HEXIM2: variants seen among roughly 807,000 people sequenced by gnomAD.
The protein encoded by HEXIM2 is protein HEXIM2.
For synonymous variants in HEXIM2, 159 were observed against 162.7 expected (o/e 0.98, Z 0.17); for missense variants, 413 against 390.8 (o/e 1.06, Z -0.48).
At chr17:45,160,543 C>G (rs1322605188), upstream of HEXIM2, among the ~76,000 whole-genome samples, 1 of 151,936 alleles carries the variant, frequency 6.6e-6, no homozygotes, top group Non-Finnish European at 1.5e-5. Flanking sequence ...AAAGTTAAGA[C>G]TAGGATTTCA....
chr17:45,160,418 G>T (rs1038054068), upstream of HEXIM2, among the ~76,000 whole-genome samples: 13 of 152,028 alleles, frequency 8.6e-5, no homozygotes, highest in African/African-American at 2.7e-4. Flanking sequence ...TGTGGGAAAA[G>T]AAAAATCTTT....
In HEXIM2 at chr17:45,162,853, G is replaced by A; in HGVS notation, c.60G>A (p.Glu20=). ...CAGAGTCACCAGTGGCCCTGGAGGA[G>A]GCCAAGGTAAGTCCCTGCCCTCCTG... ...CNAESPVALE[E]AKTSGAPGSP... Residue 20 remains glutamate (E), a synonymous_variant, in exon 3 of 4, where the codon GAG becomes GAA. Transcript: ENST00000589230. The A allele has an allele frequency of 6.2e-7, 1 of 1,612,090 alleles. No homozygotes were observed. The highest frequency in any genetic ancestry group is 8.5e-7 in the Non-Finnish European group (1 of 1,178,816).
intron 3 of HEXIM2, among the ~76,000 whole-genome samples, chr17:45,164,153 CA>C (rs567736267): frequency 2.4e-3 from 265 of 109,778 alleles, no homozygotes; most frequent in Middle Eastern, 0.021. Flanking sequence ...AAAACTCTCT[CA>C]AAAAAAAAAA....
upstream of HEXIM2, chr17:45,161,157 G>A (rs2042671950): frequency 5.3e-6 from 2 of 378,240 alleles, no homozygotes; most frequent in South Asian, 1.9e-5. Flanking sequence ...AGCTGGCAGA[G>A]CTCGGCCTCA....
intron 1 of HEXIM2, 132 bp from the exon 2 acceptor site, chr17:45,162,356 C>T (rs1174032638): frequency 1.8e-5 from 10 of 558,870 alleles, no homozygotes; most frequent in Non-Finnish European, 2.1e-5. Flanking sequence ...GCTCCATGTT[C>T]TCCCGTGGCA....
rs185583286 is a variant in HEXIM2 at position 45,166,097 on chromosome 17, C to T, written c.67-2918C>T. Among the ~76,000 whole-genome samples the T allele has an allele frequency of 3.6e-3, 540 of 150,172 alleles. 3 individuals are homozygous for T. The highest frequency in any genetic ancestry group is 0.012 in the Middle Eastern group (3 of 256). ...CAGGCGTGAGCCACCACGCCCGGCC[C>T]GCTGCATCTTCTTTATGCCAGAAGG... On this transcript the variant is annotated intron_variant, in intron 3 of 3. Transcript: ENST00000589230.
chr17:45,160,879 GTAGT>G (rs1567923276), upstream of HEXIM2: 8 of 1,288,358 alleles, frequency 6.2e-6, no homozygotes, highest in Non-Finnish European at 8.1e-6. Flanking sequence ...GGTTGCTACA[GTAGT>G]TTAAGAGGGT....
In HEXIM2 at chr17:45,169,319, C is replaced by T. The variant is rs1385325913; in HGVS notation, c.371C>T (p.Ala124Val). Residue 124 changes from alanine to valine, a missense_variant, in exon 4 of 4, where the codon GCC (alanine) becomes GTC (valine). Transcript: ENST00000589230. Reference sequence around the variant, plus strand: ...CGGGATGAGAGGCAGAGCCAGAGGGCCTCCCGGGTCCGCGAAGAGATGTTC... The same window carrying T: ...CGGGATGAGAGGCAGAGCCAGAGGGTCTCCCGGGTCCGCGAAGAGATGTTC... ...QQRDERQSQR[A>V]SRVREEMFAK... is the part of the protein sequence containing the mutation. 6.2e-7 allele frequency: 1 copy of T among 1,613,764 alleles called. No homozygotes were observed. Among genetic ancestry groups the T allele is most frequent in the Non-Finnish European group, 8.5e-7 (1 of 1,180,002 alleles).
rs752687454 is a variant in HEXIM2 at position 45,169,172 on chromosome 17, A to G, written c.224A>G (p.Gln75Arg). 2 of 1,613,780 alleles carry G rather than the reference A, an allele frequency of 1.2e-6. No individual in the cohort carries two copies. The highest frequency in any genetic ancestry group is 1.7e-6 in the Non-Finnish European group (2 of 1,180,036). The change falls in exon 4 of 4, where the codon CAG (glutamine) becomes CGG (arginine). Residue 75 changes from glutamine to arginine, a missense_variant. Gln to Arg is a conservative substitution (Grantham distance 43). Coordinates refer to ENST00000589230, the MANE Select transcript of HEXIM2 (RefSeq NM_001303441.2). The stretch of plus-strand genomic sequence containing the variant: ...TGGAACAGTAGGAGTCCCCGGACCC[A>G]GAGCCCAGGGGGCTGCTCAGCGGAG... The part of the protein sequence containing the change: ...LGWNSRSPRT[Q>R]SPGGCSAEAV...
intron 2 of HEXIM2, 37 bp from the exon 3 acceptor site, chr17:45,162,713 C>T (rs777924166): frequency 6.2e-6 from 10 of 1,605,810 alleles, no homozygotes; most frequent in Non-Finnish European, 8.5e-6. Context: ...TCCTGACGTT[C>T]CTTCAGGATT....
upstream of HEXIM2, chr17:45,160,991 T>C (rs1598123195): frequency 1.6e-6 from 2 of 1,281,290 alleles, no homozygotes; most frequent in African/African-American, 1.5e-5. Flanking sequence ...TCCAGCTGAC[T>C]GCCACGCCGA....
chr17:45,161,754 C>T (rs2042700394), upstream of HEXIM2: 6 of 849,478 alleles, frequency 7.1e-6, no homozygotes, highest in East Asian at 1.2e-4. Flanking sequence ...GCGCGGTCTG[C>T]CCCCGCGCAA....
chr17:45,167,333 A>C (rs4792858), intron 3 of HEXIM2, among the ~76,000 whole-genome samples: 46,122 of 151,736 alleles, frequency 0.3, 7,120 homozygotes, highest in Middle Eastern at 0.41. Flanking sequence ...CACACACACA[A>C]AAAAAAAGAT....
chr17:45,162,912 C>CT (rs1443241919), intron 3 of HEXIM2, 53 bp downstream of exon 3: 22 of 1,201,996 alleles, frequency 1.8e-5, no homozygotes, highest in Non-Finnish European at 2.7e-5. Flanking sequence ...GGTCCCACAG[C>CT]TGAGATCCAA....
chr17:45,165,661 C>A (rs546809302), intron 3 of HEXIM2, among the ~76,000 whole-genome samples: 60 of 152,290 alleles, frequency 3.9e-4, no homozygotes, highest in African/African-American at 1.4e-3. Context: ...GCTGACCCTC[C>A]CTCTCTTTGG....
At chr17:45,161,358 C>T (rs2042682422), upstream of HEXIM2, 2 of 194,774 alleles carry the variant, frequency 1.0e-5, no homozygotes, top group Non-Finnish European at 2.2e-5. Context: ...CCTCCCTGGC[C>T]CCCGGTCCCA....
upstream of HEXIM2, chr17:45,160,826 G>T (rs926641989): frequency 2.0e-6 from 2 of 1,004,324 alleles, no homozygotes; most frequent in African/African-American, 3.3e-5. Context: ...GCTCGTGAAG[G>T]TTTCCAAGTG....
rs1483208191 is a variant in HEXIM2, at chr17:45,168,230, T to C, written c.67-785T>C. On this transcript the variant is annotated intron_variant, in intron 3 of 3. Transcript: ENST00000589230. ...TGCGCGGTGGCTCACACCTGTAATC[T>C]CAGCACTTTGGGAGGCCGAGGCGGG... Among the ~76,000 whole-genome samples, 8 of 146,826 alleles carry C rather than the reference T, an allele frequency of 5.4e-5. No individual in the cohort carries two copies. In the South Asian group the frequency reaches 7.0e-4, roughly 13 times the overall value.
chr17:45,169,720 A>G lies in HEXIM2; in HGVS notation c.772A>G (p.Arg258Gly). ...QVEELAAEVQ[R>G]LRTENQRLRQ... is the part of the protein sequence containing the mutation. ...GGAGGAGCTGGCTGCCGAGGTCCAG[A>G]GGCTCCGGACCGAAAACCAGCGGCT... Residue 258 changes from arginine (R) to glycine (G), a missense_variant, in exon 4 of 4, where the codon AGG becomes GGG. Transcript: ENST00000589230. The G allele has an allele frequency of 6.6e-7, 1 of 1,520,902 alleles. No individual in the cohort carries two copies. Among genetic ancestry groups the G allele is most frequent in the Non-Finnish European group, 8.8e-7 (1 of 1,131,942 alleles). The allele number at this position is 1,520,902 out of a possible 1,614,324, so 94.2% of individuals were successfully genotyped here. A position where few individuals can be genotyped will look rare whatever the true frequency, so the allele number is the denominator to read the frequency against.
Sources: gnomAD v4.1 joint callset for allele counts (sites outside exome capture counted in the v4.1 genomes callset) on GRCh38, gnomAD v4.1.1 for gene constraint, MANE v1.5 for transcripts, NCBI Gene and HGNC (gene_info 2026-07-23, HGNC 2026-07-21) for gene names.